The following CAMTA1 variants were observed in gnomAD, a reference collection of about 807,000 sequenced individuals.
The protein encoded by CAMTA1 is calmodulin binding transcription activator 1.
CAMTA1 carries 27 observed loss-of-function variants against 170.9 expected under a neutral mutation model. That is an observed-to-expected ratio of 0.16 (90% confidence interval 0.12 to 0.22). CAMTA1 has a LOEUF of 0.22. CAMTA1 is among the 10% of genes least tolerant of loss of function. The pLI is 1.00. For missense variants in CAMTA1, 1,619 were observed against 2,217.2 expected (o/e 0.73, Z 5.42); for synonymous variants, 833 against 891.5 (o/e 0.93, Z 1.17).
chr1:7,431,650 C>T (rs959441153), intron 5 of CAMTA1, among the ~76,000 whole-genome samples: 3 of 152,208 alleles, frequency 2.0e-5, no homozygotes, highest in African/African-American at 7.2e-5. Flanking sequence ...CTACTTCCTC[C>T]TGCCGTGGCG....
chr1:7,074,921 G>A (rs540597787), intron 3 of CAMTA1, among the ~76,000 whole-genome samples: 33 of 152,352 alleles, frequency 2.2e-4, no homozygotes, highest in African/African-American at 7.5e-4. Flanking sequence ...GAGGGCTCTG[G>A]TGAGCTGGCA....
chr1:7,124,994 T>C (rs1168238520), intron 4 of CAMTA1, among the ~76,000 whole-genome samples: 2 of 152,172 alleles, frequency 1.3e-5, no homozygotes, highest in Non-Finnish European at 2.9e-5. Context: ...CTCTGCTCTG[T>C]CCTCCTAGCT....
chr1:7,213,105 T>C (rs1659075949), intron 4 of CAMTA1, among the ~76,000 whole-genome samples: 1 of 152,240 alleles, frequency 6.6e-6, no homozygotes, highest in East Asian at 1.9e-4. Flanking sequence ...TCACAGATTT[T>C]TATTTCTTTG....
intron 3 of CAMTA1, among the ~76,000 whole-genome samples, chr1:6,877,885 G>A (rs764587280): frequency 1.3e-5 from 2 of 152,148 alleles, no homozygotes; most frequent in African/African-American, 4.8e-5. Flanking sequence ...TTTGACCTGG[G>A]ATCTACTTTA....
In CAMTA1 at chr1:7,549,111, C is replaced by T. The variant is rs149444510; in HGVS notation, c.510+81210C>T. 8.6e-4 allele frequency among the ~76,000 whole-genome samples: 114 copies of T among 133,154 alleles called. No individual in the cohort carries two copies. In the East Asian group the frequency reaches 0.013, roughly 16 times the overall value. 87.4% of individuals were successfully genotyped at this position (133,154 alleles called of 152,430 possible). Reference sequence around the variant, plus strand: ...AGGGGTGGAGGTGCCCTTGCAGGGTCCCTCTTAGAGGTGGAGATGCCCATG... The same window carrying T: ...AGGGGTGGAGGTGCCCTTGCAGGGTTCCTCTTAGAGGTGGAGATGCCCATG... On this transcript the variant is annotated intron_variant, in intron 6 of 22. Coordinates refer to ENST00000303635, the MANE Select transcript of CAMTA1 (RefSeq NM_015215.4).
chr1:7,327,904 G>T (rs1352022742), intron 5 of CAMTA1, among the ~76,000 whole-genome samples: 1 of 152,036 alleles, frequency 6.6e-6, no homozygotes, highest in Non-Finnish European at 1.5e-5. Flanking sequence ...ATTATTTCAA[G>T]ATTGTTTTGC....
At chr1:7,600,062 T>A (rs1411121345) in intron 6 of CAMTA1, among the ~76,000 whole-genome samples, 4 of 152,176 alleles carry the variant, frequency 2.6e-5, no homozygotes, top group Non-Finnish European at 4.4e-5. Context: ...ATTCAGTATG[T>A]TATTGGCTGT....
rs372375952 is a variant in CAMTA1, at chr1:7,736,889, G to A, written c.3264-42G>A. On this transcript the variant is annotated intron_variant, in intron 13 of 22. Transcript: ENST00000303635. This position sits in a 1 kb window ranked among gnomAD's most constrained non-coding sequence, Gnocchi z 4.5. ...TAATATTCTGGTGTTTCCTTTTAACGGTGGTGAATAGTGTGGTAATTTCTG... is the reference window on the plus strand; with the variant it reads ...TAATATTCTGGTGTTTCCTTTTAACAGTGGTGAATAGTGTGGTAATTTCTG... 159 of 1,453,914 alleles carry A rather than the reference G, an allele frequency of 1.1e-4. 1 individual carries two copies. Among genetic ancestry groups the A allele is most frequent in the Non-Finnish European group, 1.4e-4 (146 of 1,041,430 alleles). The allele number at this position is 1,453,914 out of a possible 1,614,324, so 90.1% of individuals were successfully genotyped here. A position where few individuals can be genotyped will look rare whatever the true frequency, so the allele number is the denominator to read the frequency against.
At chr1:6,945,133 G>C (rs1041305701) in intron 3 of CAMTA1, among the ~76,000 whole-genome samples, 1 of 152,066 alleles carries the variant, frequency 6.6e-6, no homozygotes, top group Non-Finnish European at 1.5e-5. Context: ...CATATGATGG[G>C]TACTCAAATA....
At chr1:7,567,469 A>G (rs367977929) in intron 6 of CAMTA1, among the ~76,000 whole-genome samples, 1 of 152,358 alleles carries the variant, frequency 6.6e-6, no homozygotes, top group East Asian at 1.9e-4. Context: ...GCAGTGGGAC[A>G]GGGAAATGGT....
Position 7,251,062 on chromosome 1 carries a change from C to G in CAMTA1, c.438+1436C>G, listed in dbSNP as rs188721679. ...AAGGCTGGGTGGGGCCCCCGAACAA[C>G]GAGGCTGCTCGCACCGGGAGTAATA... On this transcript the variant is annotated intron_variant, in intron 5 of 22. Coordinates refer to ENST00000303635, the MANE Select transcript of CAMTA1 (RefSeq NM_015215.4). The surrounding 1 kb of genome is among the most constrained non-coding windows in gnomAD (Gnocchi z 5.1). 2.0e-5 allele frequency among the ~76,000 whole-genome samples: 3 copies of G among 152,148 alleles called. No individual in the cohort carries two copies. Among genetic ancestry groups the G allele is most frequent in the Non-Finnish European group, 2.9e-5 (2 of 68,028 alleles).
chr1:7,608,527 C>T (rs1247320877), intron 6 of CAMTA1, among the ~76,000 whole-genome samples: 1 of 152,190 alleles, frequency 6.6e-6, no homozygotes, highest in Non-Finnish European at 1.5e-5. Flanking sequence ...AACACCAGTG[C>T]CTGTTTCACT....
Position 7,493,571 on chromosome 1 carries a change from T to TG in CAMTA1, c.510+25670_510+25671insG, listed in dbSNP as rs1318652476. 2.8e-4 allele frequency among the ~76,000 whole-genome samples: 42 copies of TG among 151,610 alleles called. 1 individual carries two copies. Among genetic ancestry groups the TG allele is most frequent in the African/African-American group, 9.4e-4 (39 of 41,500 alleles). On this transcript the variant is annotated intron_variant, in intron 6 of 22. Coordinates refer to ENST00000303635, the MANE Select transcript of CAMTA1 (RefSeq NM_015215.4). ...ACAGTACCAGGCACGCAACGACGGATCCACACACTTTAGATCCTTCTCTGA... is the reference window on the plus strand; with the variant it reads ...ACAGTACCAGGCACGCAACGACGGATGCCACACACTTTAGATCCTTCTCTGA...
At chr1:6,830,985 A>C (rs1649838963) in intron 3 of CAMTA1, among the ~76,000 whole-genome samples, 1 of 151,520 alleles carries the variant, frequency 6.6e-6, no homozygotes, top group Non-Finnish European at 1.5e-5. Context: ...CGCCCAGCCA[A>C]TTTTTTGTAT....
At position 7,592,783 on chromosome 1, in the gene CAMTA1, C is replaced by A. The variant is rs1244665015; in HGVS notation, c.511-47617C>A. On this transcript the variant is annotated intron_variant, in intron 6 of 22. Transcript: ENST00000303635. This position sits in a 1 kb window ranked among gnomAD's most constrained non-coding sequence, Gnocchi z 4.6. ...TTGGAAAATGAGGATTCTCCGAGAG[C>A]TCCTCCCCACCCTCACACACCTCAG... Among the ~76,000 whole-genome samples the A allele has an allele frequency of 6.6e-6, 1 of 152,188 alleles. No homozygotes were observed. The highest frequency in any genetic ancestry group is 1.5e-5 in the Non-Finnish European group (1 of 68,042).
intron 9 of CAMTA1, among the ~76,000 whole-genome samples, chr1:7,666,787 C>T (rs1033088002): frequency 6.6e-6 from 1 of 152,234 alleles, no homozygotes; most frequent in Admixed American, 6.5e-5. Flanking sequence ...CTCTCCCATC[C>T]CCGATAGGAA....
chr1:7,692,755 T>G (rs1225865515), intron 11 of CAMTA1, among the ~76,000 whole-genome samples: 1 of 152,132 alleles, frequency 6.6e-6, no homozygotes, highest in Non-Finnish European at 1.5e-5. Context: ...ATAAACTATA[T>G]GGAAGAAACA....
In CAMTA1 at chr1:7,528,010, C is replaced by A. The variant is rs988949914; in HGVS notation, c.510+60109C>A. Among the ~76,000 whole-genome samples the A allele has an allele frequency of 6.6e-5, 10 of 152,266 alleles. No homozygotes were observed. In the East Asian group the frequency reaches 1.5e-3, roughly 24 times the overall value. ...GACTCTGAAGCCACTAGAGACGGAG[C>A]CCTGGGGTTAGGAAGCCCGTGACCA... On this transcript the variant is annotated intron_variant, in intron 6 of 22. Coordinates refer to ENST00000303635, the MANE Select transcript of CAMTA1 (RefSeq NM_015215.4).
intron 3 of CAMTA1, among the ~76,000 whole-genome samples, chr1:7,079,070 C>G (rs760784152): frequency 6.6e-6 from 1 of 152,172 alleles, no homozygotes; most frequent in Non-Finnish European, 1.5e-5. Flanking sequence ...ATTCACAGAG[C>G]TCATACAGGA....
Sources: allele counts gnomAD v4.1 joint callset (sites outside exome capture counted in the v4.1 genomes callset), GRCh38; gene constraint gnomAD v4.1.1; non-coding constraint Gnocchi (gnomAD v3.1); transcripts MANE v1.5; gene names NCBI Gene and HGNC (gene_info 2026-07-23, HGNC 2026-07-21).